The following EVPL variants were observed in gnomAD, a reference collection of about 807,000 sequenced individuals.
EVPL encodes the protein 210 kDa cornified envelope precursor protein.
EVPL carries 94 observed loss-of-function variants against 129.7 expected under a neutral mutation model. That is an observed-to-expected ratio of 0.72 (90% CI 0.61 to 0.86). The LOEUF (loss-of-function observed/expected upper bound fraction) is 0.86, where lower values mean the gene tolerates loss of function less well. Among genes scored for constraint, EVPL ranks in the 40% least tolerant of loss-of-function variants. The pLI is 0.00. For missense variants in EVPL, 2,625 were observed against 2,721.1 expected (o/e 0.96, Z 0.79); for synonymous variants, 1,172 against 1,191.1 (o/e 0.98, Z 0.33).
Position 76,008,906 on chromosome 17 carries a change from C to T in EVPL, c.4299G>A (p.Leu1433=). ...GCTGCCGCAGCTCCCTCTCCACGGC[C>T]AGCTTCTTGCTGCGGTCCTCCTGGA... ...LSFQEDRSKK[L]AVERELRQLT... Residue 1433 remains leucine, a synonymous_variant, in exon 22 of 22, where the codon CTG becomes CTA. Transcript: ENST00000301607. This position sits in a 1 kb window ranked among gnomAD's most constrained non-coding sequence, Gnocchi z 7.4. 3 of 1,613,628 alleles carry T rather than the reference C, an allele frequency of 1.9e-6. No individual in the cohort carries two copies. The South Asian group carries it at 3.3e-5, about 18-fold the overall frequency.
At position 76,018,447 on chromosome 17, in the gene EVPL, G is replaced by A. The variant is rs767921362; in HGVS notation, c.1438C>T (p.Arg480Trp). Residue 480 changes from arginine to tryptophan, a missense_variant and splice_region_variant, in exon 12 of 22, where the codon CGG becomes TGG. Coordinates refer to ENST00000301607, the MANE Select transcript of EVPL (RefSeq NM_001988.4). The stretch of plus-strand genomic sequence containing the variant: ...CTGAGTATCCCTACACAGACCTACC[G>A]GGAGGCCCTGGCCACAGCATCAGGG... ...PDPDAVARAS[R>W]LASELQALKQ... 5.9e-5 allele frequency: 95 copies of A among 1,610,986 alleles called. No homozygotes were observed. The highest frequency in any genetic ancestry group is 4.3e-4 in the South Asian group (39 of 90,726).
chr17:76,008,284 G>A lies in EVPL; in HGVS notation c.4921C>T (p.Leu1641=), dbSNP rs941376493. ...AAQRGQELSR[L]EAAILREKDQ... ...TTCTCGCGGAGGATGGCCGCCTCCA[G>A]CCGCGAGAGCTCCTGGCCCCGCTGG... Residue 1641 remains leucine, a synonymous_variant, in exon 22 of 22, where the codon CTG becomes TTG. Coordinates refer to ENST00000301607, the MANE Select transcript of EVPL (RefSeq NM_001988.4). The surrounding 1 kb of genome is among the most constrained non-coding windows in gnomAD (Gnocchi z 7.4). 1 of 1,611,436 alleles carries A rather than the reference G, an allele frequency of 6.2e-7. No individual in the cohort carries two copies. Among genetic ancestry groups the A allele is most frequent in the Non-Finnish European group, 8.5e-7 (1 of 1,179,958 alleles).
Position 76,007,364 on chromosome 17 carries a change from G to A in EVPL, c.5841C>T (p.Pro1947=). 1 of 1,593,318 alleles carries A rather than the reference G, an allele frequency of 6.3e-7. No individual in the cohort carries two copies. The highest frequency in any genetic ancestry group is 8.6e-7 in the Non-Finnish European group (1 of 1,166,162). The change falls in exon 22 of 22, where the codon CCC becomes CCT. Residue 1947 remains proline, a synonymous_variant. Coordinates refer to ENST00000301607, the MANE Select transcript of EVPL (RefSeq NM_001988.4). This position sits in a 1 kb window ranked among gnomAD's most constrained non-coding sequence, Gnocchi z 8.8. ...VQHLTGGLID[P]KRTGRIPIQQ... ...GGATGGGGATGCGGCCTGTCCTCTT[G>A]GGGTCGATGAGCCCCCCGGTCAGGT...
rs1272874453 is a variant in EVPL, at chr17:76,015,001, ACTC to A, written c.2134_2136del (p.Glu712del). 4 of 1,596,562 alleles carry A rather than the reference ACTC, an allele frequency of 2.5e-6. No homozygotes were observed. The highest frequency in any genetic ancestry group is 3.4e-6 in the Non-Finnish European group (4 of 1,176,752). On this transcript the variant is annotated inframe_deletion, in exon 17 of 22. Coordinates refer to ENST00000301607, the MANE Select transcript of EVPL (RefSeq NM_001988.4). Reference sequence around the variant, plus strand: ...TGCTGGCGAGGCAGGTCTTGGCAGAACTCCTGGAAGTTGTTCTGCAGGGCAGCG... The same window carrying A: ...TGCTGGCGAGGCAGGTCTTGGCAGAACTGGAAGTTGTTCTGCAGGGCAGCG...
At position 76,022,146 on chromosome 17, in the gene EVPL, G is replaced by C. The variant is rs778238268; in HGVS notation, c.645+43C>G. ...CGGGCAGGGTCCGGGCGGCCACCCA[G>C]GCCCACCCGCAGCCTCCCTGCCCGA... On this transcript the variant is annotated intron_variant, in intron 6 of 21. Transcript: ENST00000301607. This position sits in a 1 kb window ranked among gnomAD's most constrained non-coding sequence, Gnocchi z 5.6. 1 of 1,608,232 alleles carries C rather than the reference G, an allele frequency of 6.2e-7. No individual in the cohort carries two copies. The highest frequency in any genetic ancestry group is 8.5e-7 in the Non-Finnish European group (1 of 1,178,224).
At position 76,009,817 on chromosome 17, in the gene EVPL, C is replaced by G. The variant is rs761466929; in HGVS notation, c.3388G>C (p.Val1130Leu). 6.2e-7 allele frequency: 1 copy of G among 1,614,036 alleles called. No individual in the cohort carries two copies. The change falls in exon 22 of 22, where the codon GTG becomes CTG. Residue 1130 changes from valine to leucine, a missense_variant. Physicochemically the swap from Val to Leu is conservative, Grantham distance 32. Around this residue, in one of 4 missense-constraint regions of EVPL, gnomAD observed 1,453 missense variants for 1,511.8 expected, o/e 0.96. Coordinates refer to ENST00000301607, the MANE Select transcript of EVPL (RefSeq NM_001988.4). This position sits in a 1 kb window ranked among gnomAD's most constrained non-coding sequence, Gnocchi z 5.9. Reference protein sequence around the residue: ...IEDLERAISSVEPKVIVKEVK... With the variant: ...IEDLERAISSLEPKVIVKEVK... ...TCCTTCACGATGACCTTGGGCTCCA[C>G]CGAGCTGATAGCCCGCTCCAGGTCT...
At position 76,015,637 on chromosome 17, in the gene EVPL, G is replaced by A; in HGVS notation, c.1711-9C>T. 6.2e-7 allele frequency: 1 copy of A among 1,609,492 alleles called. No individual in the cohort carries two copies. Among genetic ancestry groups the A allele is most frequent in the Non-Finnish European group, 8.5e-7 (1 of 1,177,544 alleles). On this transcript the variant is annotated splice_polypyrimidine_tract_variant and intron_variant, in intron 14 of 21. Transcript: ENST00000301607. ...AGGCGCTGGGCTGTGCCCTAAAGAG[G>A]GGCGGGGTCAGGGATCTCTGGGCAG...
rs763792196 is a variant in EVPL, at chr17:76,019,047, C to T, written c.1151G>A (p.Arg384Gln). 41 of 1,572,898 alleles carry T rather than the reference C, an allele frequency of 2.6e-5. No individual in the cohort carries two copies. Among genetic ancestry groups the T allele is most frequent in the Non-Finnish European group, 2.7e-5 (31 of 1,167,470 alleles). ...AGTGGCCCTCTCGGTGACGGCCAGCCGTTTTTCCTCTGCCTGCCGGGGGCC... is the reference window on the plus strand; with the variant it reads ...AGTGGCCCTCTCGGTGACGGCCAGCTGTTTTTCCTCTGCCTGCCGGGGGCC... ...LLQQLEAEEK[R>Q]LAVTERATGD... The change falls in exon 11 of 22, where the codon CGG (arginine) becomes CAG (glutamine). Residue 384 changes from arginine (R) to glutamine (Q), a missense_variant. Physicochemically the swap from Arg to Gln is conservative, Grantham distance 43. This residue lies in a region of EVPL where 1,024 missense variants were observed against 997.5 expected (regional missense o/e 1.03). Coordinates refer to ENST00000301607, the MANE Select transcript of EVPL (RefSeq NM_001988.4).
chr17:76,007,673 G>A lies in EVPL; in HGVS notation c.5532C>T (p.Ala1844=), dbSNP rs2066330653. The stretch of plus-strand genomic sequence containing the variant: ...TGGGGTCCAGCATGTTCTTGGCCAC[G>A]GCCGTCTTGATGCTGCACTTGTTGT... ...TTDNKCSIKT[A]VAKNMLDPIT... is the part of the protein sequence containing the mutation. Residue 1844 remains alanine (A), a synonymous_variant, in exon 22 of 22, where the codon GCC becomes GCT. Transcript: ENST00000301607. This position sits in a 1 kb window ranked among gnomAD's most constrained non-coding sequence, Gnocchi z 8.8. 5.0e-6 allele frequency: 8 copies of A among 1,613,860 alleles called. No individual in the cohort carries two copies. The highest frequency in any genetic ancestry group is 2.2e-5 in the South Asian group (2 of 91,084).
At position 76,022,016 on chromosome 17, in the gene EVPL, A is replaced by T; in HGVS notation, c.658T>A (p.Trp220Arg). 1.3e-6 allele frequency: 2 copies of T among 1,555,804 alleles called. No homozygotes were observed. Among genetic ancestry groups the T allele is most frequent in the Non-Finnish European group, 1.7e-6 (2 of 1,158,304 alleles). ...QYRDLLKAASWRGQSLGSLYT... is the reference protein window; with the variant it reads ...QYRDLLKAASRRGQSLGSLYT... The stretch of plus-strand genomic sequence containing the variant: ...AGGCTGCCCAGGCTCTGCCCGCGCC[A>T]CGACGCCGCCTTCTGTGCTCAGGAC... The change falls in exon 7 of 22, where the codon TGG becomes AGG. Residue 220 changes from tryptophan (W) to arginine (R), a missense_variant. Trp to Arg is a moderately radical substitution (Grantham distance 101, BLOSUM62 -3). Around this residue, in one of 4 missense-constraint regions of EVPL, gnomAD observed 1,024 missense variants for 997.5 expected, o/e 1.03. Coordinates refer to ENST00000301607, the MANE Select transcript of EVPL (RefSeq NM_001988.4). The surrounding 1 kb of genome is among the most constrained non-coding windows in gnomAD (Gnocchi z 5.6).
rs377377666 is a variant in EVPL at position 76,013,028 on chromosome 17, G to A, written c.2374-939C>T. Among the ~76,000 whole-genome samples, 28 of 152,298 alleles carry A rather than the reference G, an allele frequency of 1.8e-4. No individual in the cohort carries two copies. The highest frequency in any genetic ancestry group is 1.4e-3 in the East Asian group (7 of 5,174). On this transcript the variant is annotated intron_variant, in intron 18 of 21. Coordinates refer to ENST00000301607, the MANE Select transcript of EVPL (RefSeq NM_001988.4). This position sits in a 1 kb window ranked among gnomAD's most constrained non-coding sequence, Gnocchi z 4.3. ...CAAAGTGCTGGGATTACAGGCGTGAGCCACCGCGCCCGGCCTGAGAATTCA... is the reference window on the plus strand; with the variant it reads ...CAAAGTGCTGGGATTACAGGCGTGAACCACCGCGCCCGGCCTGAGAATTCA...
Position 76,008,447 on chromosome 17 carries a change from GTCCCGGGCCC to G in EVPL, c.4748_4757del (p.Arg1583ThrfsTer81), listed in dbSNP as rs775982970. The G allele has an allele frequency of 6.3e-7, 1 of 1,592,820 alleles. No homozygotes were observed. Among genetic ancestry groups the G allele is most frequent in the Admixed American group, 1.7e-5 (1 of 58,316 alleles). ...GCCGCCCACACTCCTGGTCGGCCTG[GTCCCGGGCCC>G]TCTGCAGCTCGGACTCCTCCCGGGA... On this transcript the variant is annotated frameshift_variant, in exon 22 of 22. Coordinates refer to ENST00000301607, the MANE Select transcript of EVPL (RefSeq NM_001988.4). LOFTEE classifies it low-confidence loss of function (END_TRUNC). This position sits in a 1 kb window ranked among gnomAD's most constrained non-coding sequence, Gnocchi z 7.4.
intron 18 of EVPL, 118 bp downstream of exon 18, chr17:76,014,308 C>T: frequency 1.0e-5 from 14 of 1,374,078 alleles, no homozygotes; most frequent in Non-Finnish European, 1.4e-5. Flanking sequence ...CAGCTGGAGG[C>T]CAGGGAAGGG....
intron 14 of EVPL, among the ~76,000 whole-genome samples, chr17:76,016,406 C>T (rs898375375): frequency 2.2e-4 from 33 of 152,220 alleles, no homozygotes; most frequent in African/African-American, 7.5e-4. Context: ...TGACTCTGCA[C>T]CAGGCACCAC....
In EVPL at chr17:76,016,957, A is replaced by G. The variant is rs547818242; in HGVS notation, c.1710+782T>C. On this transcript the variant is annotated intron_variant, in intron 14 of 21. Transcript: ENST00000301607. ...ACCAGGTGCGGTGGCTCACGCCTGT[A>G]ATCCCAGCACTCTGGGAGGCCGAGA... Among the ~76,000 whole-genome samples, 5 of 151,254 alleles carry G rather than the reference A, an allele frequency of 3.3e-5. No homozygotes were observed. In the East Asian group the frequency reaches 9.8e-4, roughly 30 times the overall value.
At chr17:76,026,633 CCT>C (rs1434341256) in intron 1 of EVPL, among the ~76,000 whole-genome samples, 1 of 152,198 alleles carries the variant, frequency 6.6e-6, no homozygotes, top group Non-Finnish European at 1.5e-5. Context: ...CACCCCGTCC[CCT>C]CAGTCCTCAT....
Position 76,009,701 on chromosome 17 carries a change from C to T in EVPL, c.3504G>A (p.Thr1168=), listed in dbSNP as rs1247755424. 8 of 1,613,342 alleles carry T rather than the reference C, an allele frequency of 5.0e-6. No homozygotes were observed. The Admixed American group carries it at 5.0e-5, about 10-fold the overall frequency. ...GCAGGTCGCTCAGCTCCCTGGCCAG[C>T]GTCGCGTTCTTGGTCCTCTCCTCCT... ...LLEEERTKNA[T]LARELSDLHS... is the part of the protein sequence containing the mutation. The change falls in exon 22 of 22, where the codon ACG becomes ACA. Residue 1168 remains threonine, a synonymous_variant. Coordinates refer to ENST00000301607, the MANE Select transcript of EVPL (RefSeq NM_001988.4). The surrounding 1 kb of genome is among the most constrained non-coding windows in gnomAD (Gnocchi z 5.9).
At position 76,014,413 on chromosome 17, in the gene EVPL, G is replaced by C. The variant is rs754961812; in HGVS notation, c.2373+13C>G. On this transcript the variant is annotated intron_variant, in intron 18 of 21. Coordinates refer to ENST00000301607, the MANE Select transcript of EVPL (RefSeq NM_001988.4). ...CACATGGGCACAGGCAGCTGTCCCT[G>C]CCCCAGCCTCACCTTCTGCGCCTGC... The C allele has an allele frequency of 1.2e-5, 19 of 1,605,342 alleles. No individual in the cohort carries two copies. The highest frequency in any genetic ancestry group is 1.6e-5 in the Non-Finnish European group (19 of 1,176,706).
rs200614152 is a variant in EVPL, at chr17:76,010,050, C to T, written c.3155G>A (p.Arg1052Gln). Residue 1052 changes from arginine to glutamine, a missense_variant, in exon 22 of 22, where the codon CGG becomes CAG. Physicochemically the swap from Arg to Gln is conservative, Grantham distance 43. Coordinates refer to ENST00000301607, the MANE Select transcript of EVPL (RefSeq NM_001988.4). ...TAGCTCCTTCTTCAGCCCTTCCAGC[C>T]GGGCCGAGATGACGGCATCCTCCCC... ...LRGEDAVISARLEGLKKELLA... is the reference protein window; with the variant it reads ...LRGEDAVISAQLEGLKKELLA... 99 of 1,613,014 alleles carry T rather than the reference C, an allele frequency of 6.1e-5. No homozygotes were observed. The highest frequency in any genetic ancestry group is 7.8e-5 in the Non-Finnish European group (92 of 1,180,028).
Sources: gnomAD v4.1 joint callset for allele counts (sites outside exome capture counted in the v4.1 genomes callset) on GRCh38, gnomAD v4.1.1 for gene constraint, gnomAD v4.1.1 regional missense constraint, Gnocchi (gnomAD v3.1) non-coding constraint, MANE v1.5 for transcripts, NCBI Gene and HGNC (gene_info 2026-07-23, HGNC 2026-07-21) for gene names.